RIPOR1: variants seen among roughly 807,000 people sequenced by gnomAD.
RIPOR1 encodes rho family-interacting cell polarization regulator 1.
Under a neutral mutation model 116.5 loss-of-function variants are expected in RIPOR1, and 58 were observed. The observed-to-expected ratio is 0.50, with a 90% CI of 0.40 to 0.62. The LOEUF is 0.62. RIPOR1 is among the 20% of genes least tolerant of loss of function. The pLI is 0.00. For synonymous variants in RIPOR1, 605 were observed against 650.0 expected, an observed-to-expected ratio of 0.93 and a Z score of 1.05; for missense variants, 1,372 against 1,586.2, an observed-to-expected ratio of 0.86 and a Z score of 2.29.
At position 67,545,699 on chromosome 16, in the gene RIPOR1, G is replaced by C; in HGVS notation, c.3226G>C (p.Ala1076Pro). Residue 1076 changes from alanine to proline, a missense_variant, in exon 19 of 22, where the codon GCT becomes CCT. Transcript: ENST00000042381. The surrounding 1 kb of genome is among the most constrained non-coding windows in gnomAD (Gnocchi z 4.8). ...LVRNLNSDDQ[A>P]VVLKALRLAP... Reference sequence around the variant, plus strand: ...GCGGAATCTGAACTCGGATGATCAGGCTGTTGTGCTGAAGGCCCTGAGATT... The same window carrying C: ...GCGGAATCTGAACTCGGATGATCAGCCTGTTGTGCTGAAGGCCCTGAGATT... 2 of 1,583,634 alleles carry C rather than the reference G, an allele frequency of 1.3e-6. No homozygotes were observed. The highest frequency in any genetic ancestry group is 1.2e-5 in the South Asian group (1 of 86,246).
intron 1 of RIPOR1, among the ~76,000 whole-genome samples, chr16:67,535,993 C>T (rs770908915): frequency 1.3e-5 from 2 of 152,120 alleles, no homozygotes; most frequent in Non-Finnish European, 2.9e-5. Flanking sequence ...ACCCCTGGGC[C>T]CAACCCAGCC....
chr16:67,542,266 G>C lies in RIPOR1; in HGVS notation c.1480G>C (p.Val494Leu). ...APTHGEHPSPVPPALDPGHSA... is the reference protein window; with the variant it reads ...APTHGEHPSPLPPALDPGHSA... ...CACCCATGGAGAGCACCCCAGTCCT[G>C]TTCCTCCTGCCCTGGACCCTGGCCA... is the stretch of plus-strand genomic sequence containing the variant. The change falls in exon 13 of 22, where the codon GTT becomes CTT. Residue 494 changes from valine to leucine, a missense_variant. Physicochemically the swap from Val to Leu is conservative, Grantham distance 32. Coordinates refer to ENST00000042381, the MANE Select transcript of RIPOR1 (RefSeq NM_024519.4). The surrounding 1 kb of genome is among the most constrained non-coding windows in gnomAD (Gnocchi z 4.6). 2 of 1,613,844 alleles carry C rather than the reference G, an allele frequency of 1.2e-6. No individual in the cohort carries two copies. Among genetic ancestry groups the C allele is most frequent in the African/African-American group, 1.3e-5 (1 of 74,930 alleles).
Position 67,546,197 on chromosome 16 carries a change from G to A in RIPOR1, c.3528G>A (p.Val1176=), listed in dbSNP as rs1286780540. The change falls in exon 21 of 22, where the codon GTG becomes GTA. Residue 1176 remains valine (V), a synonymous_variant. Transcript: ENST00000042381. The part of the protein sequence containing the change: ...VYLCQTDTEA[V]REAARQSLQQ... Reference sequence around the variant, plus strand: ...TCTGCCAAACTGACACAGAAGCTGTGAGGGAAGCTGCCCGGCAAAGCCTAC... The same window carrying A: ...TCTGCCAAACTGACACAGAAGCTGTAAGGGAAGCTGCCCGGCAAAGCCTAC... 4 of 1,614,008 alleles carry A rather than the reference G, an allele frequency of 2.5e-6. No homozygotes were observed. Among genetic ancestry groups the A allele is most frequent in the African/African-American group, 2.7e-5 (2 of 74,936 alleles).
intron 1 of RIPOR1, among the ~76,000 whole-genome samples, chr16:67,532,732 A>T (rs1488157996): frequency 6.6e-6 from 1 of 151,108 alleles, no homozygotes; most frequent in Non-Finnish European, 1.5e-5. Context: ...TGGAGCTAAT[A>T]GGACTTACCC....
chr16:67,529,796 G>A lies in RIPOR1; in HGVS notation c.-24+882G>A. On this transcript the variant is annotated intron_variant, in intron 1 of 21. Coordinates refer to ENST00000042381, the MANE Select transcript of RIPOR1 (RefSeq NM_024519.4). The surrounding 1 kb of genome is among the most constrained non-coding windows in gnomAD (Gnocchi z 4.1). ...CCGCGCCCTGGGCCTGCCGCATTCG[G>A]CCAACGCACAGCATCTGAGGAGGGT... 1 of 1,535,834 alleles carries A rather than the reference G, an allele frequency of 6.5e-7. No individual in the cohort carries two copies. Among genetic ancestry groups the A allele is most frequent in the Non-Finnish European group, 8.7e-7 (1 of 1,146,886 alleles).
In RIPOR1 at chr16:67,543,876, A is replaced by G; in HGVS notation, c.2600+407A>G. 1 of 326,814 alleles carries G rather than the reference A, an allele frequency of 3.1e-6. No individual in the cohort carries two copies. The highest frequency in any genetic ancestry group is 4.0e-5 in the South Asian group (1 of 25,108). The allele number at this position is 326,814 out of a possible 1,614,324, so 20.2% of individuals were successfully genotyped here. On this transcript the variant is annotated intron_variant, in intron 14 of 21. Coordinates refer to ENST00000042381, the MANE Select transcript of RIPOR1 (RefSeq NM_024519.4). The surrounding 1 kb of genome is among the most constrained non-coding windows in gnomAD (Gnocchi z 4.7). ...ACTGCCCCACTCCTTCTCAACCCCG[A>G]CTCTCCCAGAGGCCCTGGCCCCTCA...
chr16:67,538,736 A>C lies in RIPOR1; in HGVS notation c.169A>C (p.Arg57=). The C allele has an allele frequency of 6.2e-7, 1 of 1,613,442 alleles. No individual in the cohort carries two copies. ...RKPPALSRVS[R]MFSVAHPAAK... ...GCCCCCCGCGCTCTCCCGAGTGTCC[A>C]GGATGTTTTCCGTGGCTCACCCAGC... is the stretch of plus-strand genomic sequence containing the variant. The change falls in exon 3 of 22, where the codon AGG becomes CGG. Residue 57 remains arginine (R), a synonymous_variant. Transcript: ENST00000042381.
Position 67,544,532 on chromosome 16 carries a change from C to A in RIPOR1, c.2733+101C>A. The A allele has an allele frequency of 3.9e-6, 6 of 1,529,300 alleles. No individual in the cohort carries two copies. In the South Asian group the frequency reaches 4.7e-5, roughly 12 times the overall value. 94.7% of individuals were successfully genotyped at this position (1,529,300 alleles called of 1,614,324 possible). On this transcript the variant is annotated intron_variant, in intron 15 of 21. Coordinates refer to ENST00000042381, the MANE Select transcript of RIPOR1 (RefSeq NM_024519.4). The surrounding 1 kb of genome is among the most constrained non-coding windows in gnomAD (Gnocchi z 5.1). The stretch of plus-strand genomic sequence containing the variant: ...CTCTATACCTCCTCTGAGTGCCACA[C>A]CCCAGTGCCCCAGGGCCCTTGGCAT...
chr16:67,542,332 C>T lies in RIPOR1; in HGVS notation c.1546C>T (p.Pro516Ser). The T allele has an allele frequency of 6.2e-7, 1 of 1,613,894 alleles. No homozygotes were observed. The highest frequency in any genetic ancestry group is 1.1e-5 in the South Asian group (1 of 91,082). Residue 516 changes from proline to serine, a missense_variant, in exon 13 of 22, where the codon CCC becomes TCC. Physicochemically the swap from Pro to Ser is moderately conservative, Grantham distance 74. Around this residue, in one of 3 missense-constraint regions of RIPOR1, gnomAD observed 1,005 missense variants for 1,144.7 expected, o/e 0.88. Coordinates refer to ENST00000042381, the MANE Select transcript of RIPOR1 (RefSeq NM_024519.4). This position sits in a 1 kb window ranked among gnomAD's most constrained non-coding sequence, Gnocchi z 4.6. Reference sequence around the variant, plus strand: ...TACCCTCGGTACAACAGGCTCTGTCCCCACATCTACAGACCCTGCCCCATC... The same window carrying T: ...TACCCTCGGTACAACAGGCTCTGTCTCCACATCTACAGACCCTGCCCCATC... ...SSTLGTTGSV[P>S]TSTDPAPSAH...
Position 67,531,693 on chromosome 16 carries a change from G to C in RIPOR1, c.-24+2779G>C, listed in dbSNP as rs1158560010. On this transcript the variant is annotated intron_variant, in intron 1 of 21. Coordinates refer to ENST00000042381, the MANE Select transcript of RIPOR1 (RefSeq NM_024519.4). This position sits in a 1 kb window ranked among gnomAD's most constrained non-coding sequence, Gnocchi z 4.2. ...GCAGGGGACTGGGAGGAGAGGAGTG[G>C]TTGAAAGAATGTGAGGGACAGGACA... The C allele has an allele frequency of 2.3e-5, 10 of 441,644 alleles. No homozygotes were observed. The highest frequency in any genetic ancestry group is 9.9e-5 in the Admixed American group (4 of 40,302). 27.4% of individuals were successfully genotyped at this position (441,644 alleles called of 1,614,324 possible).
At position 67,544,439 on chromosome 16, in the gene RIPOR1, T is replaced by C; in HGVS notation, c.2733+8T>C. ...TGCAGTCGCCTCCTGCTGGTGAGGC[T>C]GATGGTGTTCCCCCACCCTTCCTTT... On this transcript the variant is annotated splice_region_variant and intron_variant, in intron 15 of 21. Transcript: ENST00000042381. The surrounding 1 kb of genome is among the most constrained non-coding windows in gnomAD (Gnocchi z 5.1). 2 of 1,602,566 alleles carry C rather than the reference T, an allele frequency of 1.2e-6. No individual in the cohort carries two copies. Among genetic ancestry groups the C allele is most frequent in the Middle Eastern group, 1.7e-4 (1 of 6,038 alleles).
At chr16:67,546,087 G>A in intron 20 of RIPOR1, 54 bp from the exon 21 acceptor site, 5 of 1,558,498 alleles carry the variant, frequency 3.2e-6, no homozygotes, top group Non-Finnish European at 4.4e-6. Flanking sequence ...CCCCACCCCT[G>A]AAACCCTCCC....
In RIPOR1 at chr16:67,545,468, T is replaced by C; in HGVS notation, c.3124T>C (p.Trp1042Arg). ...PGEQLTVFQF[W>R]SFVETLDSPT... The stretch of plus-strand genomic sequence containing the variant: ...AGAGCAGCTCACAGTCTTCCAGTTC[T>C]GGAGTTTTGTGGAAACCTTGGACAG... The change falls in exon 18 of 22, where the codon TGG becomes CGG. Residue 1042 changes from tryptophan to arginine, a missense_variant. Physicochemically the swap from Trp to Arg is moderately radical, Grantham distance 101. Coordinates refer to ENST00000042381, the MANE Select transcript of RIPOR1 (RefSeq NM_024519.4). The surrounding 1 kb of genome is among the most constrained non-coding windows in gnomAD (Gnocchi z 4.8). 6.2e-7 allele frequency: 1 copy of C among 1,614,044 alleles called. No individual in the cohort carries two copies.
chr16:67,533,864 A>G (rs935868742), intron 1 of RIPOR1, among the ~76,000 whole-genome samples: 2 of 148,280 alleles, frequency 1.3e-5, no homozygotes, highest in African/African-American at 5.0e-5. Context: ...CTGGAGTGCA[A>G]TGGTGCAATC....
At position 67,544,490 on chromosome 16, in the gene RIPOR1, G is replaced by C; in HGVS notation, c.2733+59G>C. The C allele has an allele frequency of 6.4e-7, 1 of 1,567,670 alleles. No individual in the cohort carries two copies. The highest frequency in any genetic ancestry group is 8.6e-7 in the Non-Finnish European group (1 of 1,156,966). On this transcript the variant is annotated intron_variant, in intron 15 of 21. Coordinates refer to ENST00000042381, the MANE Select transcript of RIPOR1 (RefSeq NM_024519.4). This position sits in a 1 kb window ranked among gnomAD's most constrained non-coding sequence, Gnocchi z 5.1. ...GTAACCCCTAACCCCAGGGAGTCCTGCCCTTCCATCCTGGTCCTCTATACC... is the reference window on the plus strand; with the variant it reads ...GTAACCCCTAACCCCAGGGAGTCCTCCCCTTCCATCCTGGTCCTCTATACC...
chr16:67,539,144 C>T, intron 4 of RIPOR1, 76 bp downstream of exon 4: 1 of 1,258,738 alleles, frequency 7.9e-7, no homozygotes, highest in Non-Finnish European at 1.1e-6. Context: ...TGGGTGATAT[C>T]TGGGCTATTT....
Position 67,530,191 on chromosome 16 carries a change from G to C in RIPOR1, c.-24+1277G>C, listed in dbSNP as rs1299975103. ...AAGCGGGCGGGGAGGGCGCGGGTGA[G>C]TCACGGCGGCCCCTCTGCGTCGCCG... On this transcript the variant is annotated intron_variant, in intron 1 of 21. Coordinates refer to ENST00000042381, the MANE Select transcript of RIPOR1 (RefSeq NM_024519.4). The surrounding 1 kb of genome is among the most constrained non-coding windows in gnomAD (Gnocchi z 4.5). 2 of 323,878 alleles carry C rather than the reference G, an allele frequency of 6.2e-6. No individual in the cohort carries two copies. Among genetic ancestry groups the C allele is most frequent in the African/African-American group, 4.4e-5 (2 of 45,918 alleles). The allele number at this position is 323,878 out of a possible 1,614,324, so 20.1% of individuals were successfully genotyped here.
Position 67,543,574 on chromosome 16 carries a change from G to C in RIPOR1, c.2600+105G>C. ...TGAATTGGGAGAAAGTCAAAGGACA[G>C]GACAGGTGAGGCAGGGCCAGGTGGA... On this transcript the variant is annotated intron_variant, in intron 14 of 21. Coordinates refer to ENST00000042381, the MANE Select transcript of RIPOR1 (RefSeq NM_024519.4). This position sits in a 1 kb window ranked among gnomAD's most constrained non-coding sequence, Gnocchi z 4.7. 2 of 1,487,710 alleles carry C rather than the reference G, an allele frequency of 1.3e-6. No individual in the cohort carries two copies. Among genetic ancestry groups the C allele is most frequent in the South Asian group, 1.3e-5 (1 of 79,234 alleles). 92.2% of individuals were successfully genotyped at this position (1,487,710 alleles called of 1,614,324 possible).
intron 1 of RIPOR1, 70 bp downstream of exon 1, chr16:67,528,984 C>T (rs565482366): frequency 1.2e-5 from 2 of 170,616 alleles, no homozygotes; most frequent in African/African-American, 4.8e-5. Context: ...CTGGTGCCCC[C>T]CCGCCGGCGC....
Sources: allele counts gnomAD v4.1 joint callset (sites outside exome capture counted in the v4.1 genomes callset), GRCh38; gene constraint gnomAD v4.1.1; regional missense constraint gnomAD v4.1.1; non-coding constraint Gnocchi (gnomAD v3.1); transcripts MANE v1.5; gene names NCBI Gene and HGNC (gene_info 2026-07-23, HGNC 2026-07-21).